Variants in ZNF514 observed in about 807,000 individuals in gnomAD.
ZNF514 encodes the protein zinc finger protein 514.
A neutral mutation model predicts 9.7 loss-of-function variants in ZNF514; 12 were observed. The ratio of observed to expected loss-of-function variants is 1.24; its 90% CI spans 0.79 to 2.01. The LOEUF is 2.01. Among genes scored for constraint, ZNF514 ranks in the 30% most tolerant of loss-of-function variants. ZNF514 has a pLI of 0.00. For missense variants in ZNF514, 467 were observed against 465.5 expected (o/e 1.00, Z -0.03); for synonymous variants, 158 against 163.7 (o/e 0.97, Z 0.27).
At chr2:95,152,266 A>G (rs1319715258) in intron 4 of ZNF514, among the ~76,000 whole-genome samples, 1 of 152,104 alleles carries the variant, frequency 6.6e-6, no homozygotes, top group Non-Finnish European at 1.5e-5. Context: ...TCTTCGTGAC[A>G]TCTTCTGTCT....
chr2:95,152,746 C>CATATGGTTTGG lies in ZNF514; in HGVS notation c.134_144dup (p.Val49ProfsTer5), dbSNP rs2104470234. ...CCCCCTTCCTCCAACTGGCAGATCA[C>CATATGGTTTGG]ATATGGTTTGGATACTAGAAGGCCT... is the stretch of plus-strand genomic sequence containing the variant. On this transcript the variant is annotated frameshift_variant, in exon 4 of 5. Transcript: ENST00000295208. LOFTEE classifies it high-confidence loss of function. 6.2e-7 allele frequency: 1 copy of CATATGGTTTGG among 1,614,152 alleles called. No homozygotes were observed. Among genetic ancestry groups the CATATGGTTTGG allele is most frequent in the African/African-American group, 1.3e-5 (1 of 75,054 alleles).
At chr2:95,140,900 G>A (rs548906314), downstream of ZNF514, among the ~76,000 whole-genome samples, 5 of 151,854 alleles carry the variant, frequency 3.3e-5, no homozygotes, top group African/African-American at 4.8e-5. Context: ...GCTTGAACCC[G>A]GGAGGTGGCG....
At position 95,150,057 on chromosome 2, in the gene ZNF514, G is replaced by T. The variant is rs144250704; in HGVS notation, c.428C>A (p.Ser143Tyr). The T allele has an allele frequency of 1.2e-6, 2 of 1,614,090 alleles. No individual in the cohort carries two copies. The highest frequency in any genetic ancestry group is 1.7e-6 in the Non-Finnish European group (2 of 1,180,022). ...HLKQMSTIHK[S>Y]ATTLSRDYKW... Reference sequence around the variant, plus strand: ...ATAATCTCTGCTAAGGGTGGTGGCAGATTTGTGAATGGTTGACATTTGTTT... The same window carrying T: ...ATAATCTCTGCTAAGGGTGGTGGCATATTTGTGAATGGTTGACATTTGTTT... The change falls in exon 5 of 5, where the codon TCT (serine) becomes TAT (tyrosine). Residue 143 changes from serine (S) to tyrosine (Y), a missense_variant. Transcript: ENST00000295208.
rs2104465241 is a variant in ZNF514 at position 95,149,762 on chromosome 2, A to G, written c.723T>C (p.Phe241=). 1.2e-6 allele frequency: 2 copies of G among 1,614,252 alleles called. No homozygotes were observed. The highest frequency in any genetic ancestry group is 2.2e-5 in the South Asian group (2 of 91,088). Residue 241 remains phenylalanine (F), a synonymous_variant, in exon 5 of 5, where the codon TTT becomes TTC. Transcript: ENST00000295208. The part of the protein sequence containing the change: ...PYECSDCGRA[F]GHISSLIKHQ... ...GTTTAATAAGGGATGAAATATGACC[A>G]AAGGCTCTTCCACAGTCACTGCATT...
At chr2:95,158,010 T>C (rs372882162) in intron 1 of ZNF514, among the ~76,000 whole-genome samples, 24 of 152,324 alleles carry the variant, frequency 1.6e-4, no homozygotes, top group African/African-American at 5.3e-4. Flanking sequence ...TGCATCATAC[T>C]GTTCATAAAA....
the ZNF514 span, among the ~76,000 whole-genome samples, chr2:95,124,501 CCTTTT>C: frequency 6.6e-6 from 1 of 151,940 alleles, no homozygotes; most frequent in African/African-American, 2.4e-5. Flanking sequence ...TTTTCCTTTT[CCTTTT>C]CTTTTTTTCC....
intron 2 of ZNF514, among the ~76,000 whole-genome samples, chr2:95,156,234 T>A (rs1474315341): frequency 6.6e-6 from 1 of 152,240 alleles, no homozygotes; most frequent in African/African-American, 2.4e-5. Context: ...CTATCCTGGA[T>A]GCTGGGAAAC....
At chr2:95,143,561 GT>G (rs1157224272), downstream of ZNF514, among the ~76,000 whole-genome samples, 1 of 152,204 alleles carries the variant, frequency 6.6e-6, no homozygotes, top group Non-Finnish European at 1.5e-5. Flanking sequence ...AGAAGTTACA[GT>G]GTGCCAAGAT....
At chr2:95,140,312 A>C (rs1447152404), downstream of ZNF514, among the ~76,000 whole-genome samples, 2 of 152,138 alleles carry the variant, frequency 1.3e-5, no homozygotes, top group Admixed American at 1.3e-4. Context: ...AAATTTTTTA[A>C]CATTTTTTTA....
At chr2:95,141,725 A>G (rs1673236629), downstream of ZNF514, among the ~76,000 whole-genome samples, 1 of 152,222 alleles carries the variant, frequency 6.6e-6, no homozygotes, top group African/African-American at 2.4e-5. Flanking sequence ...AGCAAAAAAT[A>G]CAGCAGTGAA....
the ZNF514 span, among the ~76,000 whole-genome samples, chr2:95,126,810 C>T: frequency 1.1e-4 from 17 of 151,632 alleles, 1 homozygote; most frequent in East Asian, 3.1e-3. Context: ...CTTGCTGTAT[C>T]GCCCAGGCTG....
At chr2:95,128,740 GGAA>G in the ZNF514 span, among the ~76,000 whole-genome samples, 214 of 150,312 alleles carry the variant, frequency 1.4e-3, 2 homozygotes, top group South Asian at 0.018. Context: ...AGTAGGAGAA[GGAA>G]GAAGAAGGAG....
At chr2:95,144,965 T>C (rs1234374854), downstream of ZNF514, among the ~76,000 whole-genome samples, 2 of 152,180 alleles carry the variant, frequency 1.3e-5, no homozygotes, top group Non-Finnish European at 1.5e-5. Context: ...TGCTAATCTA[T>C]ATTTGAATTT....
At chr2:95,129,283 A>T in the ZNF514 span, among the ~76,000 whole-genome samples, 273 of 152,344 alleles carry the variant, frequency 1.8e-3, 2 homozygotes, top group African/African-American at 6.4e-3. Flanking sequence ...AGAAACATTT[A>T]TTCAGGAAGA....
At chr2:95,128,694 AG>A in the ZNF514 span, among the ~76,000 whole-genome samples, 3 of 151,302 alleles carry the variant, frequency 2.0e-5, no homozygotes, top group Non-Finnish European at 4.4e-5. Context: ...GAGGAAGAGG[AG>A]GAGGAGGAAG....
chr2:95,146,985 C>T lies in ZNF514; in HGVS notation c.*2297G>A, dbSNP rs1184930106. 6.6e-6 allele frequency among the ~76,000 whole-genome samples: 1 copy of T among 152,126 alleles called. No individual in the cohort carries two copies. Among genetic ancestry groups the T allele is most frequent in the African/African-American group, 2.4e-5 (1 of 41,416 alleles). The stretch of plus-strand genomic sequence containing the variant: ...TGGCCAACCTTGTGGACTCTTAGAC[C>T]CAGCCTGTCTGCATGGGCCCACTTT... On this transcript the variant is annotated 3_prime_UTR_variant, in exon 5 of 5. Transcript: ENST00000295208.
At chr2:95,133,808 G>A in the ZNF514 span, among the ~76,000 whole-genome samples, 6 of 152,152 alleles carry the variant, frequency 3.9e-5, no homozygotes, top group Non-Finnish European at 7.4e-5. Context: ...TTGAAAAGTC[G>A]CAGATTTTGG....
At chr2:95,157,497 A>C in intron 1 of ZNF514, 58 bp from the exon 2 acceptor site, 37 of 1,028,088 alleles carry the variant, frequency 3.6e-5, no homozygotes, top group Non-Finnish European at 4.8e-5. Flanking sequence ...CACAGCTCTC[A>C]GACTTCCCAA....
chr2:95,152,793 T>G (rs775714326), intron 3 of ZNF514, 24 bp from the exon 4 acceptor site: 35 of 1,608,944 alleles, frequency 2.2e-5, no homozygotes, highest in Non-Finnish European at 2.8e-5. Context: ...AGGAAAAGGA[T>G]TTTGGTTGTG....
Sources: gnomAD v4.1 joint callset for allele counts (sites outside exome capture counted in the v4.1 genomes callset) on GRCh38, gnomAD v4.1.1 for gene constraint, MANE v1.5 for transcripts, NCBI Gene and HGNC (gene_info 2026-07-23, HGNC 2026-07-21) for gene names.